LARGE1: variants seen among roughly 807,000 people sequenced by gnomAD.
LARGE1 encodes xylosyl- and glucuronyltransferase LARGE1.
Under a neutral mutation model 87.6 loss-of-function variants are expected in LARGE1, and 43 were observed. That is an observed-to-expected ratio of 0.49 (90% CI 0.38 to 0.63). The LOEUF (loss-of-function observed/expected upper bound fraction) is 0.63, where lower values mean the gene tolerates loss of function less well. LARGE1 is among the 30% of genes least tolerant of loss of function. The pLI, the probability that LARGE1 is intolerant of heterozygous loss-of-function variation, is 0.00. For missense variants in LARGE1, 802 were observed against 1,000.2 expected (o/e 0.80, Z 2.67); for synonymous variants, 434 against 394.6 (o/e 1.10, Z -1.18).
intron 7 of LARGE1, among the ~76,000 whole-genome samples, chr22:33,392,139 C>A (rs1350180300): frequency 7.0e-6 from 1 of 143,380 alleles, no homozygotes; most frequent in Non-Finnish European, 1.5e-5. Flanking sequence ...ATTCTGGGAA[C>A]ACACGCTTCT....
intron 11 of LARGE1, among the ~76,000 whole-genome samples, chr22:33,184,558 T>C (rs2899204): frequency 0.6 from 90,319 of 150,974 alleles, 27,236 homozygotes; most frequent in Middle Eastern, 0.66. Flanking sequence ...ATTAAAATTA[T>C]AATTAATAAA....
chr22:33,094,968 C>G, the LARGE1 span, among the ~76,000 whole-genome samples: 1 of 152,232 alleles, frequency 6.6e-6, no homozygotes, highest in African/African-American at 2.4e-5. Flanking sequence ...ATCCTCCCAC[C>G]TCGGCCTCCC....
At chr22:33,340,135 T>G (rs1339142593) in intron 9 of LARGE1, among the ~76,000 whole-genome samples, 1 of 151,870 alleles carries the variant, frequency 6.6e-6, no homozygotes, top group Non-Finnish European at 1.5e-5. Context: ...AACAGGCCTA[T>G]GGGGCAGCAT....
chr22:33,331,510 C>A (rs1042459247), intron 10 of LARGE1, among the ~76,000 whole-genome samples: 3 of 151,288 alleles, frequency 2.0e-5, no homozygotes, highest in Non-Finnish European at 2.9e-5. Flanking sequence ...CAGGTTCAAG[C>A]GATTCTCCTG....
intron 2 of LARGE1, chr22:33,657,044 G>A (rs1055925080): frequency 6.6e-6 from 1 of 152,186 alleles, no homozygotes; most frequent in African/African-American, 2.4e-5. Context: ...CTGGCATCTG[G>A]TACTGCATGT....
At chr22:33,412,706 GC>G (rs1449115546) in intron 7 of LARGE1, among the ~76,000 whole-genome samples, 6 of 152,074 alleles carry the variant, frequency 3.9e-5, no homozygotes, top group African/African-American at 1.4e-4. Context: ...TGTCGCCCAG[GC>G]TGGAGTGCAG....
chr22:33,497,284 A>C (rs1330760301), intron 6 of LARGE1, among the ~76,000 whole-genome samples: 2 of 152,026 alleles, frequency 1.3e-5, no homozygotes, highest in African/African-American at 4.8e-5. Flanking sequence ...CTAAGTTGGC[A>C]AGGCTGGTCT....
At chr22:33,708,488 G>A (rs901986510) in intron 2 of LARGE1, among the ~76,000 whole-genome samples, 7 of 152,168 alleles carry the variant, frequency 4.6e-5, no homozygotes, top group African/African-American at 1.7e-4. Context: ...ATACTATGTT[G>A]CTAGGGCGGC....
At position 33,575,747 on chromosome 22, in the gene LARGE1, A is replaced by G. The variant is rs1481593624; in HGVS notation, c.616-10728T>C. Reference sequence around the variant, plus strand: ...AAGCAACCATCTTCTGCAAACATAAATAATTCCAGAATGATGACAAAGGAG... The same window carrying G: ...AAGCAACCATCTTCTGCAAACATAAGTAATTCCAGAATGATGACAAAGGAG... On this transcript the variant is annotated intron_variant, in intron 5 of 14. Coordinates refer to ENST00000397394, the MANE Select transcript of LARGE1 (RefSeq NM_133642.5). Among the ~76,000 whole-genome samples, 3 of 152,230 alleles carry G rather than the reference A, an allele frequency of 2.0e-5. No homozygotes were observed. The East Asian group carries it at 5.8e-4, about 29-fold the overall frequency.
intron 1 of LARGE1, among the ~76,000 whole-genome samples, chr22:33,838,221 T>C (rs1207550982): frequency 6.6e-6 from 1 of 152,196 alleles, no homozygotes; most frequent in Non-Finnish European, 1.5e-5. Flanking sequence ...TCATTACCCC[T>C]ACACAATCTC....
At chr22:33,258,609 C>T (rs542010525) in intron 11 of LARGE1, among the ~76,000 whole-genome samples, 88 of 152,312 alleles carry the variant, frequency 5.8e-4, no homozygotes, top group African/African-American at 2.0e-3. Flanking sequence ...AATACATTTA[C>T]TAAACAAACC....
At chr22:33,735,157 A>C (rs773106034) in intron 2 of LARGE1, among the ~76,000 whole-genome samples, 4 of 152,210 alleles carry the variant, frequency 2.6e-5, no homozygotes, top group African/African-American at 4.8e-5. Flanking sequence ...ATCATGAAAG[A>C]AGCTTTGGCC....
chr22:33,388,674 T>A (rs1228680877), intron 7 of LARGE1, among the ~76,000 whole-genome samples: 3 of 152,178 alleles, frequency 2.0e-5, no homozygotes, highest in African/African-American at 7.2e-5. Flanking sequence ...CAAGCAATTC[T>A]CCTGCCTCAG....
chr22:33,405,935 G>C (rs1390994357), intron 7 of LARGE1, among the ~76,000 whole-genome samples: 1 of 152,162 alleles, frequency 6.6e-6, no homozygotes, highest in Non-Finnish European at 1.5e-5. Flanking sequence ...AAAAATCAGA[G>C]TCTGGAATCT....
intron 2 of LARGE1, among the ~76,000 whole-genome samples, chr22:33,681,583 C>T (rs2081773712): frequency 6.6e-6 from 1 of 152,124 alleles, no homozygotes; most frequent in African/African-American, 2.4e-5. Context: ...TAAGCACTTG[C>T]TAGAATAAGT....
At chr22:33,619,030 C>T (rs2079661521) in intron 4 of LARGE1, among the ~76,000 whole-genome samples, 1 of 152,198 alleles carries the variant, frequency 6.6e-6, no homozygotes, top group African/African-American at 2.4e-5. Context: ...AACTCTCCTG[C>T]CTTTGAGTAG....
At chr22:33,670,583 T>C (rs904885097) in intron 2 of LARGE1, among the ~76,000 whole-genome samples, 3 of 152,172 alleles carry the variant, frequency 2.0e-5, no homozygotes, top group Non-Finnish European at 4.4e-5. Flanking sequence ...TCTCAGCACA[T>C]GCTGGACACA....
At chr22:33,354,393 C>T (rs1940696533) in intron 9 of LARGE1, among the ~76,000 whole-genome samples, 1 of 152,124 alleles carries the variant, frequency 6.6e-6, no homozygotes, top group South Asian at 2.1e-4. Flanking sequence ...TTGATAAGTT[C>T]TTGGAGGCTG....
intron 3 of LARGE1, among the ~76,000 whole-genome samples, chr22:33,627,175 C>G (rs1207450836): frequency 6.6e-6 from 1 of 152,236 alleles, no homozygotes; most frequent in Admixed American, 6.5e-5. Context: ...TTTACGCCCT[C>G]TAAGCTACTG....
Sources: allele counts gnomAD v4.1 joint callset (sites outside exome capture counted in the v4.1 genomes callset), GRCh38; gene constraint gnomAD v4.1.1; transcripts MANE v1.5; gene names NCBI Gene and HGNC (gene_info 2026-07-23, HGNC 2026-07-21).